SNTG2: variants seen among roughly 807,000 people sequenced by gnomAD.
SNTG2 encodes gamma-2-syntrophin.
In SNTG2, 74 loss-of-function variants were observed where a neutral mutation model predicts 70.9. The ratio of observed to expected loss-of-function variants is 1.04; its 90% CI spans 0.86 to 1.27. The LOEUF (loss-of-function observed/expected upper bound fraction) is 1.27. Among genes scored for constraint, SNTG2 ranks in the 50% most tolerant of loss-of-function variants. The pLI, the probability that SNTG2 is intolerant of heterozygous loss-of-function variation, is 0.00. For synonymous variants in SNTG2, 278 were observed against 273.8 expected (o/e 1.02, Z -0.15); for missense variants, 717 against 690.7 (o/e 1.04, Z -0.43).
At chr2:1,117,536 C>CA (rs930032454) in intron 4 of SNTG2, among the ~76,000 whole-genome samples, 4 of 152,178 alleles carry the variant, frequency 2.6e-5, no homozygotes, top group Non-Finnish European at 4.4e-5. Context: ...CTGGAGCCCT[C>CA]ACGGAGTCCT....
At chr2:1,346,404 G>A (rs578213742) in intron 16 of SNTG2, 1 of 152,310 alleles carries the variant, frequency 6.6e-6, no homozygotes, top group Admixed American at 6.5e-5. Context: ...GCTGATTGTG[G>A]TCTCAGTCCC....
At chr2:1,078,118 A>G (rs953903365) in intron 1 of SNTG2, among the ~76,000 whole-genome samples, 2 of 152,294 alleles carry the variant, frequency 1.3e-5, no homozygotes, top group Admixed American at 6.5e-5. Context: ...TGCATGGATA[A>G]AGTTACAAGG....
chr2:1,334,890 C>T (rs1027624951), intron 16 of SNTG2, among the ~76,000 whole-genome samples: 4 of 152,110 alleles, frequency 2.6e-5, no homozygotes, highest in African/African-American at 9.7e-5. Context: ...CACTGCTAAA[C>T]AACTTAACCA....
At chr2:1,093,379 G>A (rs759625486) in intron 2 of SNTG2, among the ~76,000 whole-genome samples, 1 of 152,100 alleles carries the variant, frequency 6.6e-6, no homozygotes, top group African/African-American at 2.4e-5. Flanking sequence ...GTTGCCTCTG[G>A]GGTCATAAAA....
intron 1 of SNTG2, among the ~76,000 whole-genome samples, chr2:1,019,223 C>T (rs1443595624): frequency 6.6e-6 from 1 of 152,172 alleles, no homozygotes; most frequent in African/African-American, 2.4e-5. Flanking sequence ...AGGTTGAAAT[C>T]AGACAGGCCA....
At chr2:1,206,979 A>G (rs1044939300) in intron 8 of SNTG2, among the ~76,000 whole-genome samples, 3 of 152,226 alleles carry the variant, frequency 2.0e-5, no homozygotes, top group African/African-American at 7.2e-5. Context: ...GTATGTGGCT[A>G]AACACACAGC....
chr2:1,255,387 A>AATC (rs373951187), intron 12 of SNTG2, among the ~76,000 whole-genome samples: 154 of 152,242 alleles, frequency 1.0e-3, no homozygotes, highest in Non-Finnish European at 1.5e-3. Flanking sequence ...TGTACCTATG[A>AATC]ATCACCTGGG....
At position 1,367,377 on chromosome 2, in the gene SNTG2, A is replaced by C. The variant is rs1297409462; in HGVS notation, c.1523A>C (p.His508Pro). ...TTCCAGGACCTGAGGGCTGTCCTGCACTGCATCCACTCCTTCATAGCAGCC... is the reference window on the plus strand; with the variant it reads ...TTCCAGGACCTGAGGGCTGTCCTGCCCTGCATCCACTCCTTCATAGCAGCC... ...LEFQDLRAVLHCIHSFIAAKV... is the reference protein window; with the variant it reads ...LEFQDLRAVLPCIHSFIAAKV... The change falls in exon 17 of 17, where the codon CAC becomes CCC. Residue 508 changes from histidine to proline, a missense_variant. Coordinates refer to ENST00000308624, the MANE Select transcript of SNTG2 (RefSeq NM_018968.4). The C allele has an allele frequency of 1.9e-6, 3 of 1,551,574 alleles. No homozygotes were observed. The highest frequency in any genetic ancestry group is 2.6e-6 in the Non-Finnish European group (3 of 1,147,004).
At chr2:1,152,164 C>G (rs1220508695) in intron 6 of SNTG2, among the ~76,000 whole-genome samples, 2 of 152,154 alleles carry the variant, frequency 1.3e-5, no homozygotes, top group Non-Finnish European at 2.9e-5. Context: ...GCCAGGCAAT[C>G]AGTCAATCAT....
In SNTG2 at chr2:1,289,773, C is replaced by T. The variant is rs147428932; in HGVS notation, c.1285-18721C>T. Among the ~76,000 whole-genome samples the T allele has an allele frequency of 3.3e-3, 509 of 152,296 alleles. 4 individuals are homozygous for T. The highest frequency in any genetic ancestry group is 7.9e-3 in the Admixed American group (121 of 15,302). On this transcript the variant is annotated intron_variant, in intron 14 of 16. Transcript: ENST00000308624. ...ATCTTGCAAAGCCGAAGCTCCATTG[C>T]CACTAAACACCAGCTCCCCGTGCTC...
At chr2:1,095,276 C>A (rs539275694) in intron 2 of SNTG2, among the ~76,000 whole-genome samples, 12 of 152,286 alleles carry the variant, frequency 7.9e-5, no homozygotes, top group African/African-American at 1.9e-4. Flanking sequence ...CCATTCCCAG[C>A]ACTTCCTATT....
intron 9 of SNTG2, among the ~76,000 whole-genome samples, chr2:1,229,150 G>A (rs34230765): frequency 2.0e-3 from 304 of 152,272 alleles, no homozygotes; most frequent in Non-Finnish European, 3.5e-3. Flanking sequence ...ACCGGAGCGG[G>A]TTGCCACTGC....
intron 1 of SNTG2, among the ~76,000 whole-genome samples, chr2:956,427 G>A (rs112269299): frequency 0.037 from 5,641 of 152,244 alleles, 344 homozygotes; most frequent in African/African-American, 0.13. Context: ...TTCCTCCCTC[G>A]GGCCTTCACA....
At chr2:1,256,795 C>T (rs535022429) in intron 12 of SNTG2, among the ~76,000 whole-genome samples, 1 of 151,970 alleles carries the variant, frequency 6.6e-6, no homozygotes, top group Non-Finnish European at 1.5e-5. Flanking sequence ...ACCTGAGCTG[C>T]GTGTCAGCAG....
At chr2:1,032,432 G>C (rs1400690746) in intron 1 of SNTG2, among the ~76,000 whole-genome samples, 1 of 152,114 alleles carries the variant, frequency 6.6e-6, no homozygotes, top group Non-Finnish European at 1.5e-5. Context: ...AAATGAATAA[G>C]CCCAAATTTT....
At chr2:1,192,650 C>T (rs188959104) in intron 8 of SNTG2, among the ~76,000 whole-genome samples, 42 of 152,162 alleles carry the variant, frequency 2.8e-4, no homozygotes, top group Admixed American at 6.5e-4. Flanking sequence ...GCTTCCTTCA[C>T]GCAGGAAATT....
chr2:1,138,504 G>A (rs1352843288), intron 6 of SNTG2, among the ~76,000 whole-genome samples: 1 of 152,182 alleles, frequency 6.6e-6, no homozygotes, highest in Non-Finnish European at 1.5e-5. Context: ...TCAGTCTGGT[G>A]CCTGTGGGGT....
intron 8 of SNTG2, among the ~76,000 whole-genome samples, chr2:1,199,513 C>T (rs911126939): frequency 1.3e-4 from 20 of 151,980 alleles, no homozygotes; most frequent in Non-Finnish European, 2.9e-4. Context: ...CCTGGAAGTC[C>T]TAGACAGAAC....
chr2:1,167,681 GA>G lies in SNTG2; in HGVS notation c.499+2048del, dbSNP rs1261491885. Among the ~76,000 whole-genome samples the G allele has an allele frequency of 7.8e-5, 6 of 76,968 alleles. No homozygotes were observed. In the East Asian group the frequency reaches 2.1e-3, roughly 27 times the overall value. 50.5% of individuals were successfully genotyped at this position (76,968 alleles called of 152,430 possible). ...GAAGCCGCCCACAGACGGCAGAACT[GA>G]AGCCTAGAAGCCGCCCACAGACGGC... On this transcript the variant is annotated intron_variant, in intron 7 of 16. Coordinates refer to ENST00000308624, the MANE Select transcript of SNTG2 (RefSeq NM_018968.4).
Sources: allele counts gnomAD v4.1 joint callset (sites outside exome capture counted in the v4.1 genomes callset), GRCh38; gene constraint gnomAD v4.1.1; transcripts MANE v1.5; gene names NCBI Gene and HGNC (gene_info 2026-07-23, HGNC 2026-07-21).